Variants in ADCY2 observed in about 807,000 individuals in gnomAD.
ADCY2 encodes the protein adenylate cyclase 2.
ADCY2 carries 31 observed loss-of-function variants against 125.2 expected under a neutral mutation model. The observed-to-expected ratio is 0.25, with a 90% CI of 0.19 to 0.33. The LOEUF (loss-of-function observed/expected upper bound fraction) is 0.33. Ranked by LOEUF, ADCY2 falls within the 10% of genes least tolerant of loss-of-function variation. The pLI is 1.00. For missense variants in ADCY2, 904 were observed against 1,418.2 expected (o/e 0.64, Z 5.82); for synonymous variants, 512 against 548.4 (o/e 0.93, Z 0.93).
intron 1 of ADCY2, among the ~76,000 whole-genome samples, chr5:7,413,288 GT>G (rs544386996): frequency 0.016 from 2,405 of 149,518 alleles, 29 homozygotes; most frequent in Non-Finnish European, 0.022. Flanking sequence ...CAGCCTTGGG[GT>G]TTTTTTTTTC....
intron 24 of ADCY2, among the ~76,000 whole-genome samples, chr5:7,823,865 T>G (rs566479881): frequency 1.1e-4 from 17 of 152,224 alleles, no homozygotes; most frequent in Non-Finnish European, 2.1e-4. Flanking sequence ...TCAAAGAGGA[T>G]ATTGGGCTTC....
intron 1 of ADCY2, among the ~76,000 whole-genome samples, chr5:7,401,259 G>T (rs1053149558): frequency 1.3e-5 from 2 of 152,178 alleles, no homozygotes; most frequent in Admixed American, 6.5e-5. Flanking sequence ...AGGGAATACT[G>T]TAGTCACATT....
At position 7,816,999 on chromosome 5, in the gene ADCY2, G is replaced by A. The variant is rs559795550; in HGVS notation, c.2998+19G>A. ...CGAGTGGGTACGTTCTGCAAAAGAG[G>A]TCTCGGTTTCAGTTGTGGCAAAGAT... On this transcript the variant is annotated intron_variant, in intron 23 of 24. Coordinates refer to ENST00000338316, the MANE Select transcript of ADCY2 (RefSeq NM_020546.3). The A allele has an allele frequency of 5.0e-6, 8 of 1,593,974 alleles. No individual in the cohort carries two copies. Among genetic ancestry groups the A allele is most frequent in the East Asian group, 4.5e-5 (2 of 44,760 alleles).
intron 15 of ADCY2, among the ~76,000 whole-genome samples, chr5:7,756,493 A>G (rs1429315652): frequency 6.6e-6 from 1 of 152,236 alleles, no homozygotes; most frequent in African/African-American, 2.4e-5. Flanking sequence ...AGTTTTATTC[A>G]AGCTTTAAAA....
intron 16 of ADCY2, among the ~76,000 whole-genome samples, chr5:7,762,781 T>A (rs552729772): frequency 6.6e-6 from 1 of 152,160 alleles, no homozygotes; most frequent in African/African-American, 2.4e-5. Flanking sequence ...CCCCAAGTAG[T>A]ATTTCTATTT....
chr5:7,664,135 G>T (rs2126696256), intron 4 of ADCY2, among the ~76,000 whole-genome samples: 1 of 152,268 alleles, frequency 6.6e-6, no homozygotes, highest in East Asian at 1.9e-4. Context: ...CCATCGAAAT[G>T]GAGGTTAAAT....
intron 1 of ADCY2, among the ~76,000 whole-genome samples, chr5:7,411,751 G>A (rs999556673): frequency 6.6e-6 from 1 of 152,132 alleles, no homozygotes; most frequent in Non-Finnish European, 1.5e-5. Flanking sequence ...AAGACACTGG[G>A]TCTCTGTCTT....
At chr5:7,788,135 G>A (rs1478184716) in intron 19 of ADCY2, among the ~76,000 whole-genome samples, 2 of 152,060 alleles carry the variant, frequency 1.3e-5, no homozygotes, top group East Asian at 3.9e-4. Context: ...GGAAAATCTG[G>A]CATGAACGTG....
At chr5:7,688,450 G>C (rs568090629) in intron 4 of ADCY2, among the ~76,000 whole-genome samples, 1 of 151,420 alleles carries the variant, frequency 6.6e-6, no homozygotes, top group South Asian at 2.1e-4. Flanking sequence ...TTTATTTTTA[G>C]TAGAGATGGG....
At chr5:7,415,654 G>T (rs1424862367) in intron 2 of ADCY2, among the ~76,000 whole-genome samples, 1 of 152,144 alleles carries the variant, frequency 6.6e-6, no homozygotes, top group Non-Finnish European at 1.5e-5. Flanking sequence ...TCGGATACCT[G>T]CTGAAAAACC....
intron 4 of ADCY2, among the ~76,000 whole-genome samples, chr5:7,681,771 A>G (rs1450978688): frequency 6.6e-6 from 1 of 151,398 alleles, no homozygotes; most frequent in African/African-American, 2.5e-5. Context: ...CAAATCTCTG[A>G]CTTCAAAACC....
At chr5:7,698,873 A>G (rs1286222008) in intron 7 of ADCY2, among the ~76,000 whole-genome samples, 1 of 152,088 alleles carries the variant, frequency 6.6e-6, no homozygotes, top group Non-Finnish European at 1.5e-5. Flanking sequence ...TTTATAGTAG[A>G]ATGATTTATA....
intron 4 of ADCY2, among the ~76,000 whole-genome samples, chr5:7,658,498 CA>C (rs1257666519): frequency 6.7e-6 from 1 of 150,228 alleles, no homozygotes; most frequent in Non-Finnish European, 1.5e-5. Context: ...TGGTGTGATG[CA>C]ATGTCTGCCT....
intron 17 of ADCY2, among the ~76,000 whole-genome samples, chr5:7,772,359 C>T (rs141498797): frequency 1.8e-4 from 28 of 152,284 alleles, no homozygotes; most frequent in African/African-American, 6.5e-4. Flanking sequence ...TGGTGCCTGT[C>T]AAACTCCCGG....
intron 3 of ADCY2, among the ~76,000 whole-genome samples, chr5:7,624,815 C>T (rs1159655452): frequency 2.6e-5 from 4 of 152,016 alleles, no homozygotes; most frequent in African/African-American, 7.2e-5. Context: ...GGAACTGATG[C>T]CACTGACTTG....
intron 16 of ADCY2, among the ~76,000 whole-genome samples, chr5:7,765,483 G>A (rs1439964275): frequency 3.9e-5 from 6 of 151,996 alleles, no homozygotes; most frequent in South Asian, 4.2e-4. Flanking sequence ...TTTCTTTGAT[G>A]CTTAAATCAG....
chr5:7,747,175 C>T (rs952872410), intron 15 of ADCY2, among the ~76,000 whole-genome samples: 3 of 152,228 alleles, frequency 2.0e-5, no homozygotes, highest in African/African-American at 7.2e-5. Flanking sequence ...GCTACCCCCA[C>T]ATTGCCCAGG....
intron 4 of ADCY2, among the ~76,000 whole-genome samples, chr5:7,680,889 A>G (rs13357600): frequency 0.042 from 6,376 of 152,272 alleles, 453 homozygotes; most frequent in African/African-American, 0.14. Flanking sequence ...AGTCCCTGAA[A>G]GAAAATCTGC....
chr5:7,689,222 G>A (rs1014104507), intron 4 of ADCY2, among the ~76,000 whole-genome samples: 3 of 152,140 alleles, frequency 2.0e-5, no homozygotes, highest in African/African-American at 7.2e-5. Flanking sequence ...GCTGTCAGAC[G>A]AGACTAGATG....
Sources: allele counts gnomAD v4.1 joint callset (sites outside exome capture counted in the v4.1 genomes callset), GRCh38; gene constraint gnomAD v4.1.1; transcripts MANE v1.5; gene names NCBI Gene and HGNC (gene_info 2026-07-23, HGNC 2026-07-21).